The following TMPRSS15 variants were observed in gnomAD, a reference collection of about 807,000 sequenced individuals.
TMPRSS15 encodes the protein transmembrane serine protease 15, also known as enteropeptidase.
Under a neutral mutation model 125.3 loss-of-function variants are expected in TMPRSS15, and 128 were observed. That is an observed-to-expected ratio of 1.02 (90% CI 0.89 to 1.18). TMPRSS15 has a LOEUF of 1.18. Ranked by LOEUF, TMPRSS15 falls within the 50% of genes most tolerant of loss-of-function variation. The pLI is 0.00. For missense variants in TMPRSS15, 1,283 were observed against 1,212.7 expected, an observed-to-expected ratio of 1.06 and a Z score of -0.86; for synonymous variants, 446 against 423.2, an observed-to-expected ratio of 1.05 and a Z score of -0.66.
intron 18 of TMPRSS15, among the ~76,000 whole-genome samples, chr21:18,300,294 T>TTCTC (rs1187103446): frequency 1.6e-5 from 2 of 121,460 alleles, no homozygotes; most frequent in East Asian, 2.1e-4. Flanking sequence ...CTCTCTTTCT[T>TTCTC]TCTCTCTCTC....
At chr21:18,287,683 G>A (rs2074781766) in intron 21 of TMPRSS15, among the ~76,000 whole-genome samples, 3 of 152,142 alleles carry the variant, frequency 2.0e-5, no homozygotes, top group South Asian at 2.1e-4. Context: ...TGGATTGCAC[G>A]ATATAGGTCA....
chr21:18,434,513 C>T (rs1195299118), intron 1 of TMPRSS15, among the ~76,000 whole-genome samples: 3 of 152,116 alleles, frequency 2.0e-5, no homozygotes, highest in African/African-American at 7.2e-5. Context: ...AGACACATAT[C>T]CAGAATAGTG....
chr21:18,418,835 T>C (rs997356519), intron 1 of TMPRSS15, among the ~76,000 whole-genome samples: 4 of 152,240 alleles, frequency 2.6e-5, no homozygotes, highest in Non-Finnish European at 5.9e-5. Context: ...TGATTCAGCG[T>C]ATGCTATACA....
intron 13 of TMPRSS15, among the ~76,000 whole-genome samples, chr21:18,334,685 C>A (rs529059452): frequency 6.6e-6 from 1 of 152,126 alleles, no homozygotes; most frequent in Non-Finnish European, 1.5e-5. Flanking sequence ...TATTCACTTG[C>A]TTTTTAATGC....
At position 18,334,897 on chromosome 21, in the gene TMPRSS15, G is replaced by A. The variant is rs1042247170; in HGVS notation, c.1565-2724C>T. Among the ~76,000 whole-genome samples the A allele has an allele frequency of 5.3e-5, 8 of 152,144 alleles. No homozygotes were observed. In the South Asian group the frequency reaches 6.2e-4, roughly 12 times the overall value. On this transcript the variant is annotated intron_variant, in intron 13 of 24. Transcript: ENST00000284885. ...TACATAACAAAAAAAGGAGGGCAGT[G>A]GATGAAAGCACTGACAAGTAAGGTC...
intron 1 of TMPRSS15, among the ~76,000 whole-genome samples, chr21:18,453,860 T>C (rs755878120): frequency 6.6e-6 from 1 of 152,154 alleles, no homozygotes; most frequent in Non-Finnish European, 1.5e-5. Context: ...ATGGATTAAC[T>C]TGAAGGACAT....
chr21:18,465,275 C>A (rs1296058430), intron 1 of TMPRSS15, among the ~76,000 whole-genome samples: 2 of 152,060 alleles, frequency 1.3e-5, no homozygotes, highest in Non-Finnish European at 2.9e-5. Context: ...ATAATAAGAG[C>A]TATTTATGAC....
intron 22 of TMPRSS15, among the ~76,000 whole-genome samples, chr21:18,280,575 C>CAAA (rs1230513414): frequency 1.9e-4 from 9 of 48,074 alleles, no homozygotes; most frequent in Admixed American, 8.3e-4. Context: ...GACTCCGTCT[C>CAAA]AAAAAAAAAA....
chr21:18,409,128 T>C (rs144465519), intron 1 of TMPRSS15, among the ~76,000 whole-genome samples: 130 of 152,202 alleles, frequency 8.5e-4, no homozygotes, highest in Non-Finnish European at 1.3e-3. Context: ...TTTTTTTCCT[T>C]GGAATTCTGA....
intron 1 of TMPRSS15, among the ~76,000 whole-genome samples, chr21:18,412,723 C>CCTGCTG (rs1002437186): frequency 6.6e-6 from 1 of 151,452 alleles, no homozygotes; most frequent in Non-Finnish European, 1.5e-5. Flanking sequence ...GTCTAGTAAC[C>CCTGCTG]CTGCTGCTGC....
Position 18,315,213 on chromosome 21 carries a change from A to G in TMPRSS15, c.1965T>C (p.Cys655=), listed in dbSNP as rs752061746. 1.2e-6 allele frequency: 2 copies of G among 1,613,958 alleles called. No individual in the cohort carries two copies. The change falls in exon 17 of 25, where the codon TGT becomes TGC. Residue 655 remains cysteine (C), a synonymous_variant. Transcript: ENST00000284885. ...CGTCACAGAGATTCACCAGTGGAAC[A>G]CACTCTCCATTTTTACATTGAAAAT... is the stretch of plus-strand genomic sequence containing the variant. ...ADHFQCKNGE[C]VPLVNLCDGH... is the part of the protein sequence containing the mutation.
Position 18,269,917 on chromosome 21 carries a change from T to C in TMPRSS15, c.*52A>G. 1 of 1,603,800 alleles carries C rather than the reference T, an allele frequency of 6.2e-7. No individual in the cohort carries two copies. Among genetic ancestry groups the C allele is most frequent in the Non-Finnish European group, 8.5e-7 (1 of 1,172,534 alleles). The stretch of plus-strand genomic sequence containing the variant: ...CGAAACACTTAATTTCCATGCTTTC[T>C]AGAGTAGAATGGGAAAATAATGCGA... On this transcript the variant is annotated 3_prime_UTR_variant, in exon 25 of 25. Transcript: ENST00000284885.
chr21:18,472,455 T>TTATATATATATATATATATATA (rs34604020), intron 1 of TMPRSS15, among the ~76,000 whole-genome samples: 7 of 143,176 alleles, frequency 4.9e-5, no homozygotes, highest in African/African-American at 1.3e-4. Flanking sequence ...GCTAAAAGAA[T>TTATATATATATATATATATATA]TATATATATA....
At chr21:18,350,817 A>G (rs1259702174) in intron 10 of TMPRSS15, among the ~76,000 whole-genome samples, 1 of 151,774 alleles carries the variant, frequency 6.6e-6, no homozygotes, top group Admixed American at 6.6e-5. Context: ...GTTTCATGAG[A>G]GCAGAAAATT....
chr21:18,363,103 A>C (rs1207819902), intron 7 of TMPRSS15, among the ~76,000 whole-genome samples: 1 of 152,138 alleles, frequency 6.6e-6, no homozygotes, highest in Non-Finnish European at 1.5e-5. Flanking sequence ...TATTGTCTTT[A>C]GTCTCATCTG....
chr21:18,342,420 G>A (rs1218056100), intron 12 of TMPRSS15, among the ~76,000 whole-genome samples: 1 of 152,106 alleles, frequency 6.6e-6, no homozygotes, highest in Non-Finnish European at 1.5e-5. Context: ...AAATTTCAAG[G>A]AGACTATGGT....
At chr21:18,433,776 T>C (rs1001797526) in intron 1 of TMPRSS15, among the ~76,000 whole-genome samples, 1 of 152,064 alleles carries the variant, frequency 6.6e-6, no homozygotes, top group Admixed American at 6.6e-5. Context: ...TAGCTGTTAT[T>C]ATTAACTTTA....
chr21:18,323,452 T>G (rs1411702883), intron 16 of TMPRSS15, among the ~76,000 whole-genome samples: 1 of 152,144 alleles, frequency 6.6e-6, no homozygotes, highest in Non-Finnish European at 1.5e-5. Context: ...CTCATTATCA[T>G]GAGAACAGCA....
chr21:18,352,753 A>G (rs563803075), intron 10 of TMPRSS15, 150 bp downstream of exon 10: 6 of 782,810 alleles, frequency 7.7e-6, no homozygotes, highest in African/African-American at 7.0e-5. Flanking sequence ...TTTGATTACC[A>G]TTTTTCATTT....
Sources: gnomAD v4.1 joint callset for allele counts (sites outside exome capture counted in the v4.1 genomes callset) on GRCh38, gnomAD v4.1.1 for gene constraint, MANE v1.5 for transcripts, NCBI Gene and HGNC (gene_info 2026-07-23, HGNC 2026-07-21) for gene names.